Variants in SHTN1 observed in about 807,000 individuals in gnomAD.
SHTN1 encodes shootin-1.
A neutral mutation model predicts 83.1 loss-of-function variants in SHTN1; 42 were observed. That is an observed-to-expected ratio of 0.51 (90% CI 0.39 to 0.65). The LOEUF is 0.65. SHTN1 is among the 30% of genes least tolerant of loss of function. The pLI is 0.00. For synonymous variants in SHTN1, 224 were observed against 247.7 expected, an observed-to-expected ratio of 0.90 and a Z score of 0.90; for missense variants, 622 against 737.8, an observed-to-expected ratio of 0.84 and a Z score of 1.82.
intron 1 of SHTN1, among the ~76,000 whole-genome samples, chr10:116,981,114 T>C (rs543546245): frequency 6.6e-6 from 1 of 151,120 alleles, no homozygotes; most frequent in South Asian, 2.1e-4. Flanking sequence ...AGGTCAGGAG[T>C]TCAAGACCAG....
chr10:117,064,419 G>A (rs1852943063), intron 1 of SHTN1, among the ~76,000 whole-genome samples: 2 of 152,184 alleles, frequency 1.3e-5, no homozygotes, highest in Admixed American at 1.3e-4. Context: ...ACTTTGGGAG[G>A]CCAAGGCAGG....
At chr10:116,995,046 A>T (rs1308764807) in intron 1 of SHTN1, among the ~76,000 whole-genome samples, 1 of 152,118 alleles carries the variant, frequency 6.6e-6, no homozygotes, top group Non-Finnish European at 1.5e-5. Flanking sequence ...TTAAATTGTT[A>T]TATCTCACAA....
At chr10:116,943,550 T>C (rs978503180) in intron 8 of SHTN1, among the ~76,000 whole-genome samples, 1 of 152,252 alleles carries the variant, frequency 6.6e-6, no homozygotes, top group Non-Finnish European at 1.5e-5. Context: ...TTCTTTTTTC[T>C]TTCTTCCAAG....
At chr10:116,999,494 GT>G (rs1161729421) in intron 1 of SHTN1, among the ~76,000 whole-genome samples, 1 of 152,140 alleles carries the variant, frequency 6.6e-6, no homozygotes, top group Non-Finnish European at 1.5e-5. Flanking sequence ...CGCCTAAAAA[GT>G]TTCCTTAGGA....
chr10:117,026,707 C>A (rs1852337558), intron 2 of SHTN1, among the ~76,000 whole-genome samples: 1 of 152,190 alleles, frequency 6.6e-6, no homozygotes, highest in Non-Finnish European at 1.5e-5. Context: ...CAGGCATGAG[C>A]CACCACGCCT....
At chr10:117,006,789 G>A (rs1852022117), upstream of SHTN1, among the ~76,000 whole-genome samples, 1 of 151,960 alleles carries the variant, frequency 6.6e-6, no homozygotes, top group African/African-American at 2.4e-5. Flanking sequence ...CTGTTTTATG[G>A]AAGTGCCCAG....
chr10:116,970,100 A>G (rs1358743818), intron 2 of SHTN1, among the ~76,000 whole-genome samples: 1 of 152,210 alleles, frequency 6.6e-6, no homozygotes, highest in Non-Finnish European at 1.5e-5. Context: ...CCAGATAAAA[A>G]CAATGAGATA....
At chr10:116,941,657 C>T (rs1849376670) in intron 8 of SHTN1, among the ~76,000 whole-genome samples, 1 of 152,184 alleles carries the variant, frequency 6.6e-6, no homozygotes, top group Non-Finnish European at 1.5e-5. Context: ...GTTTGTTCAA[C>T]AACTTCACCC....
At chr10:117,098,001 C>T (rs1464061618) in intron 1 of SHTN1, among the ~76,000 whole-genome samples, 1 of 151,822 alleles carries the variant, frequency 6.6e-6, no homozygotes, top group Non-Finnish European at 1.5e-5. Flanking sequence ...GGATAGTCCC[C>T]AGAACAACTG....
chr10:117,100,038 A>AT (rs2133628123), intron 1 of SHTN1, among the ~76,000 whole-genome samples: 2 of 152,202 alleles, frequency 1.3e-5, no homozygotes, highest in Non-Finnish European at 2.9e-5. Context: ...TTAGCCAGGC[A>AT]TGGTGGTACA....
intron 11 of SHTN1, among the ~76,000 whole-genome samples, chr10:116,923,295 C>T (rs774206347): frequency 3.9e-5 from 6 of 152,134 alleles, no homozygotes; most frequent in Non-Finnish European, 8.8e-5. Context: ...GGCTTGTGTA[C>T]ATATCTGCAT....
Position 116,883,867 on chromosome 10 carries a change from C to A in SHTN1, c.*2477G>T. The A allele has an allele frequency of 5.2e-6, 1 of 190,812 alleles. No homozygotes were observed. The highest frequency in any genetic ancestry group is 7.8e-5 in the South Asian group (1 of 12,774). 11.8% of individuals were successfully genotyped at this position (190,812 alleles called of 1,614,324 possible). ...TGTGGGTGAGGACTTTGTTTGAGAC[C>A]AGCTCACATACAAAAGGGTGCAAGT... On this transcript the variant is annotated 3_prime_UTR_variant, in exon 17 of 17. Coordinates refer to ENST00000355371, the MANE Select transcript of SHTN1 (RefSeq NM_001127211.3).
chr10:116,991,776 A>G (rs999855685), intron 1 of SHTN1, among the ~76,000 whole-genome samples: 1 of 152,146 alleles, frequency 6.6e-6, no homozygotes, highest in African/African-American at 2.4e-5. Flanking sequence ...CTTCCAAACT[A>G]TACAAATTTG....
chr10:117,095,881 T>C (rs1206364877), intron 1 of SHTN1, among the ~76,000 whole-genome samples: 1 of 152,224 alleles, frequency 6.6e-6, no homozygotes, highest in Non-Finnish European at 1.5e-5. Flanking sequence ...GAAAGCTACA[T>C]GCCTTGCAGT....
intron 1 of SHTN1, among the ~76,000 whole-genome samples, chr10:117,092,226 G>A (rs915170675): frequency 3.3e-5 from 5 of 152,158 alleles, no homozygotes; most frequent in Admixed American, 6.5e-5. Context: ...TGAAGCCATG[G>A]GCTTAAATGA....
intron 9 of SHTN1, among the ~76,000 whole-genome samples, chr10:116,939,596 C>T (rs1849291551): frequency 6.6e-6 from 1 of 152,176 alleles, no homozygotes; most frequent in Non-Finnish European, 1.5e-5. Context: ...CGGAGCTGTT[C>T]GTATTCGGCC....
chr10:117,097,264 C>G (rs60202099), intron 1 of SHTN1, among the ~76,000 whole-genome samples: 83 of 152,286 alleles, frequency 5.5e-4, no homozygotes, highest in Non-Finnish European at 9.8e-4. Flanking sequence ...TGCTCAACCC[C>G]GACAGACTCT....
chr10:117,048,663 A>C (rs1276277133), intron 1 of SHTN1, among the ~76,000 whole-genome samples: 1 of 152,202 alleles, frequency 6.6e-6, no homozygotes, highest in Non-Finnish European at 1.5e-5. Flanking sequence ...GCCCACATTG[A>C]ACTTCTGTAG....
chr10:117,007,625 T>TTATTAGGA (rs1852042911), upstream of SHTN1, among the ~76,000 whole-genome samples: 2 of 148,834 alleles, frequency 1.3e-5, no homozygotes, highest in African/African-American at 2.5e-5. Context: ...ATGGTATGAA[T>TTATTAGGA]TATTAGGAGG....
Sources: allele counts gnomAD v4.1 joint callset (sites outside exome capture counted in the v4.1 genomes callset), GRCh38; gene constraint gnomAD v4.1.1; transcripts MANE v1.5; gene names NCBI Gene and HGNC (gene_info 2026-07-23, HGNC 2026-07-21).